Variants in TMEM132D observed in about 807,000 individuals in gnomAD.
The protein encoded by TMEM132D is mature OL transmembrane protein.
Under a neutral mutation model 62.3 loss-of-function variants are expected in TMEM132D, and 21 were observed. The ratio of observed to expected loss-of-function variants is 0.34; its 90% confidence interval spans 0.24 to 0.49. TMEM132D has a LOEUF of 0.49. Ranked by LOEUF, TMEM132D falls within the 20% of genes least tolerant of loss-of-function variation. The probability of loss-of-function intolerance (pLI) is 0.99; values close to 1 mark genes in which losing one functional copy is unlikely to be tolerated. For missense variants in TMEM132D, 1,346 were observed against 1,402.8 expected (o/e 0.96, Z 0.65); for synonymous variants, 621 against 575.6 (o/e 1.08, Z -1.13).
Position 129,894,307 on chromosome 12 carries a change from C to A in TMEM132D, c.79+8954G>T, listed in dbSNP as rs987450409. On this transcript the variant is annotated intron_variant, in intron 1 of 8. Transcript: ENST00000422113. ...CCATGAGAGTGTATGGGGGACACCGCCCCCCATGATTCAATTATCTCCACC... is the reference window on the plus strand; with the variant it reads ...CCATGAGAGTGTATGGGGGACACCGACCCCCATGATTCAATTATCTCCACC... Among the ~76,000 whole-genome samples the A allele has an allele frequency of 3.9e-5, 6 of 152,070 alleles. 1 individual carries two copies. In the South Asian group the frequency reaches 6.2e-4, roughly 16 times the overall value.
At chr12:129,599,693 A>G (rs1878435518) in intron 2 of TMEM132D, among the ~76,000 whole-genome samples, 1 of 152,208 alleles carries the variant, frequency 6.6e-6, no homozygotes, top group Admixed American at 6.5e-5. Flanking sequence ...AGCAAATATC[A>G]CCATAAAGTG....
chr12:129,335,275 G>T (rs751546356), intron 4 of TMEM132D, among the ~76,000 whole-genome samples: 5 of 151,818 alleles, frequency 3.3e-5, no homozygotes, highest in Non-Finnish European at 5.9e-5. Flanking sequence ...AAGATTATCG[G>T]CATGTGCCAT....
At position 129,291,171 on chromosome 12, in the gene TMEM132D, G is replaced by T. The variant is rs1009382701; in HGVS notation, c.1299+46463C>A. On this transcript the variant is annotated intron_variant, in intron 4 of 8. Transcript: ENST00000422113. ...CATCAGTCAATGGGGCACGGCTGGA[G>T]AAATACCTCTGCAGGATTTATTCTA... Among the ~76,000 whole-genome samples the T allele has an allele frequency of 3.2e-4, 49 of 152,174 alleles. 1 individual carries two copies. The highest frequency in any genetic ancestry group is 6.5e-5 in the Admixed American group (1 of 15,278).
intron 2 of TMEM132D, among the ~76,000 whole-genome samples, chr12:129,644,984 T>TAA (rs749612311): frequency 0.081 from 5,140 of 63,292 alleles, 292 homozygotes; most frequent in Non-Finnish European, 0.099. Context: ...ATAGTCCATC[T>TAA]AAAAAAAAAA....
At position 129,203,500 on chromosome 12, in the gene TMEM132D, ATGTGGAGGGCAGGGCAGGCAT is replaced by A. The variant is rs536334478; in HGVS notation, c.1443+5999_1443+6019del. On this transcript the variant is annotated intron_variant, in intron 5 of 8. Transcript: ENST00000422113. ...GCAGCCTCCTGTGGTCCCAGGAAGC[ATGTGGAGGGCAGGGCAGGCAT>A]TGTTACCCACCCCTGCCACTGGTAG... 2.0e-3 allele frequency among the ~76,000 whole-genome samples: 305 copies of A among 152,332 alleles called. 2 individuals are homozygous for A. The highest frequency in any genetic ancestry group is 6.4e-3 in the African/African-American group (265 of 41,582).
intron 3 of TMEM132D, among the ~76,000 whole-genome samples, chr12:129,461,826 A>G (rs559035544): frequency 6.6e-6 from 1 of 152,298 alleles, no homozygotes; most frequent in South Asian, 2.1e-4. Flanking sequence ...GTACATAGAT[A>G]GAGAAATAGC....
chr12:129,679,504 T>C (rs1565946505), intron 2 of TMEM132D, among the ~76,000 whole-genome samples: 1 of 152,104 alleles, frequency 6.6e-6, no homozygotes, highest in Non-Finnish European at 1.5e-5. Flanking sequence ...AAGGTCAGAA[T>C]GTATTCCTAT....
At chr12:129,586,148 C>T (rs561944961) in intron 2 of TMEM132D, among the ~76,000 whole-genome samples, 1 of 152,132 alleles carries the variant, frequency 6.6e-6, no homozygotes, top group Admixed American at 6.5e-5. Flanking sequence ...CACAGGACTA[C>T]GAAAGCTCCC....
intron 1 of TMEM132D, among the ~76,000 whole-genome samples, chr12:129,709,640 G>A (rs1881593183): frequency 6.6e-6 from 1 of 152,170 alleles, no homozygotes; most frequent in Admixed American, 6.5e-5. Flanking sequence ...TATCCTGTGT[G>A]CCTCCAAAGC....
At chr12:129,865,629 G>A (rs1040261883) in intron 1 of TMEM132D, among the ~76,000 whole-genome samples, 49 of 152,334 alleles carry the variant, frequency 3.2e-4, no homozygotes, top group Admixed American at 1.6e-3. Context: ...CATCCTGGCT[G>A]TTGTGTGAAG....
chr12:129,189,376 T>C (rs546449794), intron 5 of TMEM132D, among the ~76,000 whole-genome samples: 1 of 152,008 alleles, frequency 6.6e-6, no homozygotes, highest in Admixed American at 6.6e-5. Flanking sequence ...AAGTTTCCAA[T>C]CCCTGGGAAG....
chr12:129,563,114 A>AT (rs902775771), intron 2 of TMEM132D, among the ~76,000 whole-genome samples: 3 of 152,060 alleles, frequency 2.0e-5, no homozygotes, highest in South Asian at 2.1e-4. Context: ...TTTGCATTTA[A>AT]TTTTTTTTGA....
intron 3 of TMEM132D, among the ~76,000 whole-genome samples, chr12:129,434,857 C>T (rs1593007243): frequency 6.6e-6 from 1 of 152,112 alleles, no homozygotes; most frequent in South Asian, 2.1e-4. Context: ...TTGAAATATA[C>T]ACTACACTAT....
At chr12:129,836,306 T>C (rs1185140679) in intron 1 of TMEM132D, among the ~76,000 whole-genome samples, 1 of 144,614 alleles carries the variant, frequency 6.9e-6, no homozygotes, top group Non-Finnish European at 1.6e-5. Context: ...ATGTGCTCCC[T>C]GACCTCTGCA....
At chr12:129,263,817 A>G (rs1184454247) in intron 4 of TMEM132D, among the ~76,000 whole-genome samples, 1 of 152,122 alleles carries the variant, frequency 6.6e-6, no homozygotes, top group Non-Finnish European at 1.5e-5. Flanking sequence ...AGGGTTCTTC[A>G]GAATGGAAAG....
At chr12:129,489,685 T>C (rs1259997840) in intron 3 of TMEM132D, among the ~76,000 whole-genome samples, 1 of 152,262 alleles carries the variant, frequency 6.6e-6, no homozygotes, top group East Asian at 1.9e-4. Context: ...TTAAAACTTT[T>C]ATTATTTTCT....
At chr12:129,786,312 C>T (rs1165449103) in intron 1 of TMEM132D, among the ~76,000 whole-genome samples, 1 of 152,126 alleles carries the variant, frequency 6.6e-6, no homozygotes, top group Non-Finnish European at 1.5e-5. Flanking sequence ...CCAACGAGAC[C>T]CTGTACTGTG....
At chr12:129,717,177 G>C (rs889272965) in intron 1 of TMEM132D, among the ~76,000 whole-genome samples, 2 of 152,156 alleles carry the variant, frequency 1.3e-5, no homozygotes, top group Non-Finnish European at 2.9e-5. Context: ...GCCCTGCAAG[G>C]GAAGCACACC....
At chr12:129,524,116 G>C (rs974616464) in intron 3 of TMEM132D, among the ~76,000 whole-genome samples, 12 of 151,916 alleles carry the variant, frequency 7.9e-5, no homozygotes, top group African/African-American at 4.8e-5. Flanking sequence ...AGCATTAGGA[G>C]ATATACCTAA....
Sources: allele counts gnomAD v4.1 joint callset (sites outside exome capture counted in the v4.1 genomes callset), GRCh38; gene constraint gnomAD v4.1.1; transcripts MANE v1.5; gene names NCBI Gene and HGNC (gene_info 2026-07-23, HGNC 2026-07-21).